Variants in BAHCC1 observed in about 807,000 individuals in gnomAD.
BAHCC1 encodes the protein BAH domain and coiled-coil containing 1, also known as BAH and coiled-coil domain-containing protein 1.
Under a neutral mutation model 88.2 loss-of-function variants are expected in BAHCC1, and 43 were observed. The ratio of observed to expected loss-of-function variants is 0.49; its 90% CI spans 0.38 to 0.63. The LOEUF (loss-of-function observed/expected upper bound fraction) is 0.63. Ranked by LOEUF, BAHCC1 falls within the 20% of genes least tolerant of loss-of-function variation. The pLI is 0.00. For synonymous variants in BAHCC1, 1,510 were observed against 745.5 expected, an observed-to-expected ratio of 2.03 and a Z score of -16.71; for missense variants, 3,023 against 1,654.8, an observed-to-expected ratio of 1.83 and a Z score of -14.34.
rs781846493 is a variant in BAHCC1 at position 81,443,132 on chromosome 17, G to A, written c.1783G>A (p.Ala595Thr). The A allele has an allele frequency of 3.9e-6, 3 of 777,832 alleles. No homozygotes were observed. The highest frequency in any genetic ancestry group is 7.2e-6 in the Non-Finnish European group (3 of 417,022). The allele number at this position is 777,832 out of a possible 1,614,324, so 48.2% of individuals were successfully genotyped here. Reference sequence around the variant, plus strand: ...CCAGGCAGGCCAGGGCACCGCCATGGCCATCAGCGAGGAGCGCAAGGCTGG... The same window carrying A: ...CCAGGCAGGCCAGGGCACCGCCATGACCATCAGCGAGGAGCGCAAGGCTGG... ...GVQAGQGTAM[A>T]ISEERKAGAY... Residue 595 changes from alanine to threonine, a missense_variant, in exon 5 of 28, where the codon GCC becomes ACC. By Grantham distance (58) the Ala-to-Thr change is moderately conservative. Coordinates refer to ENST00000675386, the MANE Select transcript of BAHCC1 (RefSeq NM_001377448.1).
At chr17:81,451,901 C>T in intron 12 of BAHCC1, 31 bp downstream of exon 12, 1 of 681,850 alleles carries the variant, frequency 1.5e-6, no homozygotes, top group Non-Finnish European at 2.7e-6. Context: ...CCACGTCGCC[C>T]AGTGCGTTGC....
intron 15 of BAHCC1, chr17:81,456,040 C>T: frequency 2.0e-6 from 1 of 512,222 alleles, no homozygotes; most frequent in East Asian, 3.6e-5. Flanking sequence ...GCCACTGGGC[C>T]CTCAGCCTCC....
chr17:81,400,022 G>A, intron 2 of BAHCC1, 105 bp downstream of exon 2: 1 of 1,034,206 alleles, frequency 9.7e-7, no homozygotes. Context: ...TTCATTTCCC[G>A]GCCCCGGCCG....
At chr17:81,446,796 A>T (rs1555654486) in intron 10 of BAHCC1, 2 of 672,440 alleles carry the variant, frequency 3.0e-6, no homozygotes, top group Admixed American at 4.1e-5. Context: ...CAAATGATCC[A>T]TCCACCTCAG....
chr17:81,402,486 A>C (rs1156446188), intron 2 of BAHCC1: 1 of 152,182 alleles, frequency 6.6e-6, no homozygotes, highest in East Asian at 1.9e-4. Flanking sequence ...TTGTGTGCGG[A>C]CTTCCACATG....
intron 2 of BAHCC1, among the ~76,000 whole-genome samples, chr17:81,415,908 C>G (rs1361562517): frequency 6.6e-6 from 1 of 152,252 alleles, no homozygotes; most frequent in Non-Finnish European, 1.5e-5. Context: ...GCAGAGCGCC[C>G]CACCCTGCCA....
In BAHCC1 at chr17:81,445,539, CCCA is replaced by C. The variant is rs782416129; in HGVS notation, c.3027_3029del (p.Pro1010del). ...CAAAGCCCCCCGCCAGCTCCCCCAC[CCCA>C]CCACCTCGGCCCAGCGCCCCGTGCA... On this transcript the variant is annotated inframe_deletion, in exon 10 of 28. Transcript: ENST00000675386. 5.5e-6 allele frequency: 4 copies of C among 726,120 alleles called. No individual in the cohort carries two copies. Among genetic ancestry groups the C allele is most frequent in the Non-Finnish European group, 1.0e-5 (4 of 391,712 alleles). The allele number at this position is 726,120 out of a possible 1,614,324, so 45.0% of individuals were successfully genotyped here.
At chr17:81,440,238 G>C (rs1304644365) in intron 4 of BAHCC1, among the ~76,000 whole-genome samples, 1 of 152,220 alleles carries the variant, frequency 6.6e-6, no homozygotes, top group African/African-American at 2.4e-5. Context: ...TTTGTCAGGG[G>C]CGGGCAGGTG....
intron 6 of BAHCC1, 148 bp downstream of exon 6, chr17:81,444,065 A>G (rs1484313370): frequency 3.2e-6 from 2 of 618,506 alleles, no homozygotes; most frequent in African/African-American, 1.8e-5. Context: ...CCACCCCTAG[A>G]GCCTTTCTGG....
intron 3 of BAHCC1, among the ~76,000 whole-genome samples, chr17:81,427,244 C>T (rs1026628328): frequency 2.0e-5 from 3 of 152,144 alleles, no homozygotes; most frequent in African/African-American, 7.2e-5. Context: ...AACAGGGGGG[C>T]CAGGAGGGGC....
chr17:81,419,113 A>C, intron 2 of BAHCC1, among the ~76,000 whole-genome samples: 1 of 152,092 alleles, frequency 6.6e-6, no homozygotes, highest in East Asian at 1.9e-4. Flanking sequence ...CACACCCAGC[A>C]TGCACCTGCC....
intron 2 of BAHCC1, among the ~76,000 whole-genome samples, chr17:81,418,812 T>C (rs373534664): frequency 9.2e-4 from 6 of 6,552 alleles, no homozygotes; most frequent in East Asian, 0.026. Flanking sequence ...TGTGTGTACG[T>C]GTGTGTGTGT....
Position 81,438,325 on chromosome 17 carries a change from G to C in BAHCC1, c.359-45G>C, listed in dbSNP as rs782162107. 5 of 775,006 alleles carry C rather than the reference G, an allele frequency of 6.5e-6. No homozygotes were observed. In the South Asian group the frequency reaches 6.8e-5, roughly 10 times the overall value. The allele number at this position is 775,006 out of a possible 1,614,324, so 48.0% of individuals were successfully genotyped here. ...CTGGGGTCAGGGCGAGTGTGGGCCA[G>C]GGGGCTGGGAGTTGCCTCTGCAACT... On this transcript the variant is annotated intron_variant, in intron 3 of 27. Coordinates refer to ENST00000675386, the MANE Select transcript of BAHCC1 (RefSeq NM_001377448.1).
chr17:81,447,217 G>A lies in BAHCC1; in HGVS notation c.3345G>A (p.Glu1115=), dbSNP rs1555654701. ...CTCCCTGCAGCCCCAGGAGCCTGGA[G>A]GAGCCCGGGCTGCTCTCAGGGGCCA... ...EPPPCSPRSL[E]EPGLLSGARE... The change falls in exon 11 of 28, where the codon GAG becomes GAA. Residue 1115 remains glutamate, a synonymous_variant. Transcript: ENST00000675386. 2.7e-6 allele frequency: 2 copies of A among 750,492 alleles called. No individual in the cohort carries two copies. The highest frequency in any genetic ancestry group is 2.9e-5 in the South Asian group (2 of 69,740). 46.5% of individuals were successfully genotyped at this position (750,492 alleles called of 1,614,324 possible). A position where few individuals can be genotyped will look rare whatever the true frequency, so the allele number is the denominator to read the frequency against.
rs1370426631 is a variant in BAHCC1 at position 81,399,930 on chromosome 17, C to CCGGGGCGGGCG, written c.178+18_178+28dup. On this transcript the variant is annotated intron_variant, in intron 2 of 27. Transcript: ENST00000675386. This position sits in a 1 kb window ranked among gnomAD's most constrained non-coding sequence, Gnocchi z 4.5. ...GCTTCGCACACAGGTCAGTGCTCGG[C>CCGGGGCGGGCG]CGGGGCGGGCGCGGGACGGGAGCGT... is the stretch of plus-strand genomic sequence containing the variant. The CCGGGGCGGGCG allele has an allele frequency of 1.7e-5, 23 of 1,356,822 alleles. No homozygotes were observed. In the East Asian group the frequency reaches 4.7e-4, roughly 27 times the overall value. The allele number at this position is 1,356,822 out of a possible 1,614,324, so 84.0% of individuals were successfully genotyped here.
chr17:81,458,668 G>A lies in BAHCC1; in HGVS notation c.5391G>A (p.Lys1797=), dbSNP rs951621476. The change falls in exon 19 of 28, where the codon AAG becomes AAA. Residue 1797 remains lysine (K), a synonymous_variant. Coordinates refer to ENST00000675386, the MANE Select transcript of BAHCC1 (RefSeq NM_001377448.1). ...TCACGCTGGCCACACGCAACGCCAAGGCCATCCTGGGGAAGGGCCGGAAGC... is the reference window on the plus strand; with the variant it reads ...TCACGCTGGCCACACGCAACGCCAAAGCCATCCTGGGGAAGGGCCGGAAGC... ...LSITLATRNA[K]AILGKGRKLS... The A allele has an allele frequency of 2.8e-6, 2 of 723,088 alleles. No homozygotes were observed. The highest frequency in any genetic ancestry group is 5.1e-6 in the Non-Finnish European group (2 of 388,532). 44.8% of individuals were successfully genotyped at this position (723,088 alleles called of 1,614,324 possible). A position where few individuals can be genotyped will look rare whatever the true frequency, so the allele number is the denominator to read the frequency against.
In BAHCC1 at chr17:81,452,084, C is replaced by T. The variant is rs1054106889; in HGVS notation, c.4293C>T (p.Arg1431=). The change falls in exon 13 of 28, where the codon CGC becomes CGT. Residue 1431 remains arginine, a synonymous_variant. Transcript: ENST00000675386. ...RYKEKQRELA[R]LQRKHDHERD... The stretch of plus-strand genomic sequence containing the variant: ...AGGAGAAGCAGCGGGAGCTGGCCCG[C>T]CTGCAGCGCAAGCACGACCATGAGT... 3 of 635,504 alleles carry T rather than the reference C, an allele frequency of 4.7e-6. No individual in the cohort carries two copies. The highest frequency in any genetic ancestry group is 5.1e-5 in the Admixed American group (2 of 38,868). The allele number at this position is 635,504 out of a possible 1,614,324, so 39.4% of individuals were successfully genotyped here.
chr17:81,447,185 G>A lies in BAHCC1; in HGVS notation c.3313G>A (p.Glu1105Lys). 1 of 769,228 alleles carries A rather than the reference G, an allele frequency of 1.3e-6. No individual in the cohort carries two copies. The highest frequency in any genetic ancestry group is 2.4e-6 in the Non-Finnish European group (1 of 413,100). The allele number at this position is 769,228 out of a possible 1,614,324, so 47.7% of individuals were successfully genotyped here. ...PEPTRTFLPG[E>K]PPPCSPRSLE... Reference sequence around the variant, plus strand: ...GCCCACAAGGACATTCCTGCCTGGGGAGCCGCCTCCCTGCAGCCCCAGGAG... The same window carrying A: ...GCCCACAAGGACATTCCTGCCTGGGAAGCCGCCTCCCTGCAGCCCCAGGAG... The change falls in exon 11 of 28, where the codon GAG (glutamate) becomes AAG (lysine). Residue 1105 changes from glutamate to lysine, a missense_variant. By Grantham distance (56) the Glu-to-Lys change is moderately conservative. Coordinates refer to ENST00000675386, the MANE Select transcript of BAHCC1 (RefSeq NM_001377448.1).
At position 81,457,459 on chromosome 17, in the gene BAHCC1, A is replaced by G. The variant is rs2143631300; in HGVS notation, c.4908A>G (p.Ala1636=). Residue 1636 remains alanine (A), a synonymous_variant, in exon 17 of 28, where the codon GCA becomes GCG. Coordinates refer to ENST00000675386, the MANE Select transcript of BAHCC1 (RefSeq NM_001377448.1). ...EDCEGLLGTE[A]PPREAGLLLH... ...GCGAGGGTCTCCTGGGGACAGAGGC[A>G]CCACCCAGGGAAGCAGGGCTGCTGC... 2.6e-6 allele frequency: 2 copies of G among 772,212 alleles called. No individual in the cohort carries two copies. Among genetic ancestry groups the G allele is most frequent in the Non-Finnish European group, 4.8e-6 (2 of 414,790 alleles). The allele number at this position is 772,212 out of a possible 1,614,324, so 47.8% of individuals were successfully genotyped here.
Sources: allele counts gnomAD v4.1 joint callset (sites outside exome capture counted in the v4.1 genomes callset), GRCh38; gene constraint gnomAD v4.1.1; non-coding constraint Gnocchi (gnomAD v3.1); transcripts MANE v1.5; gene names NCBI Gene and HGNC (gene_info 2026-07-23, HGNC 2026-07-21).